Variants in DEF8 observed in about 807,000 individuals in gnomAD.
DEF8 encodes DEF-8.
DEF8 carries 38 observed loss-of-function variants against 59.1 expected under a neutral mutation model. The observed-to-expected ratio is 0.64, with a 90% CI of 0.50 to 0.84. The LOEUF is 0.84. Among genes scored for constraint, DEF8 ranks in the 40% least tolerant of loss-of-function variants. The pLI, the probability that DEF8 is intolerant of heterozygous loss-of-function variation, is 0.00. For synonymous variants in DEF8, 265 were observed against 250.1 expected, an observed-to-expected ratio of 1.06 and a Z score of -0.56; for missense variants, 557 against 615.2, an observed-to-expected ratio of 0.91 and a Z score of 1.00.
In DEF8 at chr16:89,954,168, T is replaced by G; in HGVS notation, c.-10-75T>G. The stretch of plus-strand genomic sequence containing the variant: ...GCCAGCCTCACCCCAGACACCCCAG[T>G]GTGGTTGGGGAAAGGGGGTGGTCCG... On this transcript the variant is annotated intron_variant, in intron 2 of 12. Transcript: ENST00000563594. This position sits in a 1 kb window ranked among gnomAD's most constrained non-coding sequence, Gnocchi z 4.3. 1 of 1,513,096 alleles carries G rather than the reference T, an allele frequency of 6.6e-7. No homozygotes were observed. Among genetic ancestry groups the G allele is most frequent in the Non-Finnish European group, 9.0e-7 (1 of 1,106,334 alleles). 93.7% of individuals were successfully genotyped at this position (1,513,096 alleles called of 1,614,324 possible).
rs1175644575 is a variant in DEF8 at position 89,967,454 on chromosome 16, T to C, written c.*1491T>C. The C allele has an allele frequency of 5.0e-6, 2 of 398,518 alleles. No homozygotes were observed. The highest frequency in any genetic ancestry group is 8.8e-6 in the Non-Finnish European group (2 of 226,072). The allele number at this position is 398,518 out of a possible 1,614,324, so 24.7% of individuals were successfully genotyped here. ...GTGGTGGCTTTAGGCAAGGTTCTTATTGTCTGCTCTGCCTCGGTTTCCCCA... is the reference window on the plus strand; with the variant it reads ...GTGGTGGCTTTAGGCAAGGTTCTTACTGTCTGCTCTGCCTCGGTTTCCCCA... On this transcript the variant is annotated 3_prime_UTR_variant, in exon 13 of 13. Transcript: ENST00000563594.
intron 2 of DEF8, among the ~76,000 whole-genome samples, chr16:89,952,065 G>A (rs144239702): frequency 6.6e-6 from 1 of 152,226 alleles, no homozygotes; most frequent in East Asian, 1.9e-4. Context: ...TTCTAGTAGA[G>A]ACAGGGTTTC....
chr16:89,960,144 TTTTC>T (rs2033831946), intron 6 of DEF8, among the ~76,000 whole-genome samples: 2 of 152,152 alleles, frequency 1.3e-5, no homozygotes, highest in South Asian at 2.1e-4. Flanking sequence ...TGGCTGGGGC[TTTTC>T]TTTAAGTGCA....
rs1314410320 is a variant in DEF8 at position 89,965,924 on chromosome 16, GT to G, written c.1318del (p.Ser440ArgfsTer129). ...GTGCCCGGCTCAGCCTGAGGAAGCA[GT>G]CGCTCTTCCAGGAGCCAGGTCCCGA... Reference protein sequence around the residue: ...KCARLSLRKQSLFQEPGPDVE... With the variant: ...KCARLSLRKQXLFQEPGPDVE... On this transcript the variant is annotated frameshift_variant, in exon 13 of 13. Coordinates refer to ENST00000563594, the MANE Select transcript of DEF8 (RefSeq NM_001242818.2). LOFTEE classifies it high-confidence loss of function. The G allele has an allele frequency of 6.2e-7, 1 of 1,613,710 alleles. No homozygotes were observed. The highest frequency in any genetic ancestry group is 2.2e-5 in the East Asian group (1 of 44,878).
chr16:89,961,002 C>A lies in DEF8; in HGVS notation c.586C>A (p.His196Asn). 2 of 1,614,186 alleles carry A rather than the reference C, an allele frequency of 1.2e-6. No homozygotes were observed. The highest frequency in any genetic ancestry group is 1.7e-6 in the Non-Finnish European group (2 of 1,180,032). ...SKPCVSSKVS[H>N]QAEYELNICP... is the part of the protein sequence containing the mutation. The stretch of plus-strand genomic sequence containing the variant: ...GCCCTGTGTGAGCTCCAAAGTCAGC[C>A]ACCAAGCTGAATACGAACTGAACAT... Residue 196 changes from histidine to asparagine, a missense_variant, in exon 7 of 13, where the codon CAC becomes AAC. Transcript: ENST00000563594.
At chr16:89,949,094 A>G (rs561782253) in intron 1 of DEF8, among the ~76,000 whole-genome samples, 2 of 50,920 alleles carry the variant, frequency 3.9e-5, no homozygotes, top group East Asian at 4.8e-4. Context: ...GCCGGCGGGG[A>G]CGGGGCCGGC....
At chr16:89,949,652 G>C in intron 2 of DEF8, 139 bp downstream of exon 2, 1 of 1,601,880 alleles carries the variant, frequency 6.2e-7, no homozygotes, top group Non-Finnish European at 8.5e-7. Flanking sequence ...CGTGCATCCC[G>C]CGTGTCCTGA....
Position 89,959,032 on chromosome 16 carries a change from C to G in DEF8, c.391C>G (p.Pro131Ala). ...QELKDPNEDE[P>A]NIRVLLEHRF... is the part of the protein sequence containing the mutation. ...TCTGCAGGACCCCAATGAGGATGAGCCAAACATCCGAGTGCTCCTTGAGCA... is the reference window on the plus strand; with the variant it reads ...TCTGCAGGACCCCAATGAGGATGAGGCAAACATCCGAGTGCTCCTTGAGCA... The change falls in exon 6 of 13, where the codon CCA becomes GCA. Residue 131 changes from proline (P) to alanine (A), a missense_variant. By Grantham distance (27) the Pro-to-Ala change is conservative (BLOSUM62 -1). Coordinates refer to ENST00000563594, the MANE Select transcript of DEF8 (RefSeq NM_001242818.2). 1.2e-6 allele frequency: 2 copies of G among 1,612,590 alleles called. No individual in the cohort carries two copies. Among genetic ancestry groups the G allele is most frequent in the Non-Finnish European group, 1.7e-6 (2 of 1,180,008 alleles).
At chr16:89,958,689 G>A (rs989480783) in intron 5 of DEF8, among the ~76,000 whole-genome samples, 5 of 152,186 alleles carry the variant, frequency 3.3e-5, no homozygotes, top group African/African-American at 7.2e-5. Context: ...GCACCTAACC[G>A]GCAAAAAGCA....
rs536814118 is a variant in DEF8, at chr16:89,961,645, G to C, written c.680-92G>C. ...GACATGTTCCCATGTCTCCCCGAGG[G>C]CTGTGGTCCATGGGAGGACAGACCA... is the stretch of plus-strand genomic sequence containing the variant. On this transcript the variant is annotated intron_variant, in intron 7 of 12. Transcript: ENST00000563594. 25 of 1,508,456 alleles carry C rather than the reference G, an allele frequency of 1.7e-5. No individual in the cohort carries two copies. The African/African-American group carries it at 3.2e-4, about 19-fold the overall frequency. The allele number at this position is 1,508,456 out of a possible 1,614,324, so 93.4% of individuals were successfully genotyped here.
chr16:89,960,625 G>C (rs577266887), intron 6 of DEF8, among the ~76,000 whole-genome samples: 63 of 151,806 alleles, frequency 4.2e-4, no homozygotes, highest in African/African-American at 1.5e-3. Flanking sequence ...GAGGGGCTTG[G>C]GGTCGGGGGT....
chr16:89,960,725 A>G (rs1305945044), intron 6 of DEF8, among the ~76,000 whole-genome samples: 1 of 152,152 alleles, frequency 6.6e-6, no homozygotes, highest in Non-Finnish European at 1.5e-5. Context: ...TTGGAGGACA[A>G]GGTCTGGGCC....
intron 10 of DEF8, 88 bp from the exon 11 acceptor site, chr16:89,964,082 C>G (rs1304841039): frequency 1.3e-6 from 2 of 1,553,738 alleles, no homozygotes; most frequent in Admixed American, 3.3e-5. Flanking sequence ...CTGTGAGCAC[C>G]TGGGCCCTGA....
chr16:89,959,220 T>G, intron 6 of DEF8, 65 bp downstream of exon 6: 1 of 1,607,194 alleles, frequency 6.2e-7, no homozygotes, highest in South Asian at 1.1e-5. Context: ...TCCGCTGGGC[T>G]CACATTCAGA....
chr16:89,958,055 T>G, intron 5 of DEF8: 1 of 167,214 alleles, frequency 6.0e-6, no homozygotes, highest in South Asian at 1.3e-4. Context: ...CAACCACATC[T>G]TGCTTTCCAG....
chr16:89,959,295 A>T (rs141473198), intron 6 of DEF8, 140 bp downstream of exon 6: 134 of 1,508,818 alleles, frequency 8.9e-5, no homozygotes, highest in Non-Finnish European at 1.1e-4. Flanking sequence ...TTAACTAAAT[A>T]TGCATTTCCT....
chr16:89,964,277 G>A lies in DEF8; in HGVS notation c.1110G>A (p.Thr370=), dbSNP rs1363031250. The A allele has an allele frequency of 3.1e-6, 5 of 1,603,718 alleles. No individual in the cohort carries two copies. Among genetic ancestry groups the A allele is most frequent in the East Asian group, 2.2e-5 (1 of 44,720 alleles). ...GCTGCTCGCTCACCGAGATCCACAC[G>A]CTCTTCGCCAAGCACATCAAGCTGG... ...RLGCSLTEIH[T]LFAKHIKLDC... The change falls in exon 11 of 13, where the codon ACG becomes ACA. Residue 370 remains threonine, a synonymous_variant. Transcript: ENST00000563594.
chr16:89,962,204 C>A, intron 9 of DEF8, 79 bp downstream of exon 9: 1 of 1,287,978 alleles, frequency 7.8e-7, no homozygotes, highest in Non-Finnish European at 1.1e-6. Flanking sequence ...ACCCTCTTCT[C>A]CTCTGGGCCA....
At chr16:89,955,649 C>T (rs1326510037) in intron 4 of DEF8, among the ~76,000 whole-genome samples, 1 of 152,122 alleles carries the variant, frequency 6.6e-6, no homozygotes, top group Non-Finnish European at 1.5e-5. Flanking sequence ...GTGTGGGAGG[C>T]AAGGGGAAGC....
Sources: gnomAD v4.1 joint callset for allele counts (sites outside exome capture counted in the v4.1 genomes callset) on GRCh38, gnomAD v4.1.1 for gene constraint, Gnocchi (gnomAD v3.1) non-coding constraint, MANE v1.5 for transcripts, NCBI Gene and HGNC (gene_info 2026-07-23, HGNC 2026-07-21) for gene names.